Variants in RABGAP1L observed in about 807,000 individuals in gnomAD.
RABGAP1L encodes rab GTPase-activating protein 1-like.
RABGAP1L carries 63 observed loss-of-function variants against 137.7 expected under a neutral mutation model. That is an observed-to-expected ratio of 0.46 (90% CI 0.37 to 0.56). RABGAP1L has a LOEUF of 0.56. Ranked by LOEUF, RABGAP1L falls within the 20% of genes least tolerant of loss-of-function variation. The pLI, the probability that RABGAP1L is intolerant of heterozygous loss-of-function variation, is 0.00. For missense variants in RABGAP1L, 1,095 were observed against 1,244.0 expected, an observed-to-expected ratio of 0.88 and a Z score of 1.80; for synonymous variants, 431 against 433.7, an observed-to-expected ratio of 0.99 and a Z score of 0.08.
At chr1:174,562,174 A>G (rs1667265481) in intron 13 of RABGAP1L, among the ~76,000 whole-genome samples, 1 of 152,230 alleles carries the variant, frequency 6.6e-6, no homozygotes. Flanking sequence ...AAACAATCCC[A>G]TCAAAAAGTG....
At position 174,358,568 on chromosome 1, in the gene RABGAP1L, A is replaced by T. The variant is rs550785608; in HGVS notation, c.1466-12411A>T. Among the ~76,000 whole-genome samples, 3 of 152,296 alleles carry T rather than the reference A, an allele frequency of 2.0e-5. No homozygotes were observed. The East Asian group carries it at 5.8e-4, about 29-fold the overall frequency. On this transcript the variant is annotated intron_variant, in intron 11 of 25. Transcript: ENST00000681986. ...GTGACACTTTCACATCTTTCTGAGAACACAGAGTACGTGACTGCTTCTTCA... is the reference window on the plus strand; with the variant it reads ...GTGACACTTTCACATCTTTCTGAGATCACAGAGTACGTGACTGCTTCTTCA...
At chr1:174,486,301 A>T (rs1572014588) in intron 13 of RABGAP1L, among the ~76,000 whole-genome samples, 2 of 112,702 alleles carry the variant, frequency 1.8e-5, no homozygotes, top group Admixed American at 9.0e-5. Flanking sequence ...TGTTTCATTG[A>T]TCTTTTATTC....
chr1:174,568,280 C>A (rs992920183), intron 13 of RABGAP1L, among the ~76,000 whole-genome samples: 5 of 152,118 alleles, frequency 3.3e-5, no homozygotes, highest in Non-Finnish European at 7.4e-5. Flanking sequence ...TGAGGGTCTG[C>A]CCCCCATGAC....
chr1:174,451,472 C>T (rs1189156670), intron 13 of RABGAP1L, among the ~76,000 whole-genome samples: 1 of 152,180 alleles, frequency 6.6e-6, no homozygotes, highest in Non-Finnish European at 1.5e-5. Context: ...TAAATCCTCA[C>T]TACAGCCTTT....
chr1:174,322,205 T>A (rs1680057308), intron 11 of RABGAP1L, among the ~76,000 whole-genome samples: 1 of 152,202 alleles, frequency 6.6e-6, no homozygotes, highest in Non-Finnish European at 1.5e-5. Context: ...TGTTTTATAG[T>A]TTAGATTTTA....
chr1:174,658,169 C>T (rs1490319461), intron 14 of RABGAP1L, among the ~76,000 whole-genome samples: 1 of 152,138 alleles, frequency 6.6e-6, no homozygotes, highest in Non-Finnish European at 1.5e-5. Flanking sequence ...AGTTATTTTT[C>T]TGGAATAATT....
At chr1:174,635,345 CT>C (rs1198648997) in intron 13 of RABGAP1L, among the ~76,000 whole-genome samples, 1 of 152,174 alleles carries the variant, frequency 6.6e-6, no homozygotes, top group African/African-American at 2.4e-5. Context: ...TATTCCTCAT[CT>C]TTCAGGTAGT....
intron 11 of RABGAP1L, among the ~76,000 whole-genome samples, chr1:174,327,314 AATAAT>A (rs138547197): frequency 0.28 from 42,429 of 151,498 alleles, 6,467 homozygotes; most frequent in African/African-American, 0.39. Flanking sequence ...AATAAGGTAT[AATAAT>A]ATAATAAGGT....
chr1:174,210,464 G>A (rs1261744313), intron 1 of RABGAP1L, among the ~76,000 whole-genome samples: 1 of 152,172 alleles, frequency 6.6e-6, no homozygotes, highest in Admixed American at 6.5e-5. Context: ...ATGTATTGAA[G>A]TCTTTTAATA....
Position 174,828,870 on chromosome 1 carries a change from A to G in RABGAP1L, c.2340+16910A>G, listed in dbSNP as rs1354542318. ...CTGAAGCCACATTGTTGGAGTTTAA[A>G]TTTAGCCTTTTCCATTTAATTAGTA... On this transcript the variant is annotated intron_variant, in intron 19 of 25. Coordinates refer to ENST00000681986, the MANE Select transcript of RABGAP1L (RefSeq NM_001366446.1). 1.3e-5 allele frequency among the ~76,000 whole-genome samples: 2 copies of G among 148,166 alleles called. 1 individual carries two copies. Among genetic ancestry groups the G allele is most frequent in the Non-Finnish European group, 3.0e-5 (2 of 66,630 alleles).
intron 1 of RABGAP1L, among the ~76,000 whole-genome samples, chr1:174,208,694 A>G (rs1004574775): frequency 7.9e-5 from 12 of 152,316 alleles, no homozygotes; most frequent in African/African-American, 2.9e-4. Context: ...TATTAATGTC[A>G]TTATAGATAT....
chr1:174,421,078 A>G (rs934899034), intron 13 of RABGAP1L, among the ~76,000 whole-genome samples: 1 of 152,216 alleles, frequency 6.6e-6, no homozygotes, highest in Non-Finnish European at 1.5e-5. Flanking sequence ...ACAAAAGTAT[A>G]TAATGATGTG....
At chr1:174,190,267 C>CACT (rs2148333642) in intron 1 of RABGAP1L, among the ~76,000 whole-genome samples, 1 of 144,382 alleles carries the variant, frequency 6.9e-6, no homozygotes, top group East Asian at 2.0e-4. Flanking sequence ...CACACCACTG[C>CACT]ACTCCACCCT....
At chr1:174,981,688 C>G (rs1456530351) in intron 23 of RABGAP1L, among the ~76,000 whole-genome samples, 2 of 150,460 alleles carry the variant, frequency 1.3e-5, no homozygotes, top group East Asian at 3.9e-4. Flanking sequence ...ACCTTTCATC[C>G]ACTTTTCTAA....
At chr1:174,953,398 C>T (rs977888267) in intron 19 of RABGAP1L, among the ~76,000 whole-genome samples, 4 of 152,168 alleles carry the variant, frequency 2.6e-5, no homozygotes, top group African/African-American at 7.2e-5. Flanking sequence ...AATTATTGTG[C>T]TCTGTCTTTT....
At chr1:174,855,643 G>A (rs1649167788) in intron 19 of RABGAP1L, among the ~76,000 whole-genome samples, 1 of 152,084 alleles carries the variant, frequency 6.6e-6, no homozygotes, top group African/African-American at 2.4e-5. Context: ...ACTTCTATGG[G>A]CCTCATTTTC....
intron 11 of RABGAP1L, among the ~76,000 whole-genome samples, chr1:174,358,095 A>G (rs761448850): frequency 1.3e-5 from 2 of 152,172 alleles, no homozygotes; most frequent in Non-Finnish European, 1.5e-5. Flanking sequence ...GGACCTATGC[A>G]TTATGAGTGA....
At chr1:174,407,624 A>T (rs1256985304) in intron 13 of RABGAP1L, among the ~76,000 whole-genome samples, 1 of 152,082 alleles carries the variant, frequency 6.6e-6, no homozygotes, top group African/African-American at 2.4e-5. Flanking sequence ...AATTATTATT[A>T]TTATCATTAT....
At chr1:174,483,552 A>G (rs970016587) in intron 13 of RABGAP1L, among the ~76,000 whole-genome samples, 5 of 152,242 alleles carry the variant, frequency 3.3e-5, no homozygotes, top group African/African-American at 1.2e-4. Context: ...TGGACACTTA[A>G]GTTGCTTTCA....
Sources: allele counts gnomAD v4.1 joint callset (sites outside exome capture counted in the v4.1 genomes callset), GRCh38; gene constraint gnomAD v4.1.1; transcripts MANE v1.5; gene names NCBI Gene and HGNC (gene_info 2026-07-23, HGNC 2026-07-21).